The following CNTNAP2 variants were observed in gnomAD, a reference collection of about 807,000 sequenced individuals.
The protein encoded by CNTNAP2 is contactin-associated protein-like 2.
In CNTNAP2, 98 loss-of-function variants were observed where a neutral mutation model predicts 155.2. The ratio of observed to expected loss-of-function variants is 0.63; its 90% confidence interval spans 0.54 to 0.75. The LOEUF is 0.75. CNTNAP2 is among the 30% of genes least tolerant of loss of function. The probability of loss-of-function intolerance (pLI) is 0.00; values close to 1 mark genes in which losing one functional copy is unlikely to be tolerated. For missense variants in CNTNAP2, 1,727 were observed against 1,688.1 expected (o/e 1.02, Z -0.40); for synonymous variants, 651 against 631.2 (o/e 1.03, Z -0.47).
intron 3 of CNTNAP2, among the ~76,000 whole-genome samples, chr7:146,897,842 A>T: frequency 6.6e-6 from 1 of 152,136 alleles, no homozygotes; most frequent in African/African-American, 2.4e-5. Context: ...GTGTTTTTTT[A>T]AAAATAATTT....
At chr7:147,264,638 G>A (rs66602672) in intron 8 of CNTNAP2, among the ~76,000 whole-genome samples, 4 of 149,408 alleles carry the variant, frequency 2.7e-5, no homozygotes, top group East Asian at 2.1e-4. Flanking sequence ...GATGCCTGAC[G>A]GGGCCAGCCT....
At chr7:147,659,621 A>G (rs1795582316) in intron 13 of CNTNAP2, among the ~76,000 whole-genome samples, 1 of 152,208 alleles carries the variant, frequency 6.6e-6, no homozygotes. Context: ...AAGAGAGAAG[A>G]AATACAAATG....
At chr7:147,126,306 C>A (rs1801233754) in intron 6 of CNTNAP2, among the ~76,000 whole-genome samples, 1 of 151,968 alleles carries the variant, frequency 6.6e-6, no homozygotes, top group South Asian at 2.1e-4. Context: ...TCTTTAGAGG[C>A]AAGGTTATTG....
intron 21 of CNTNAP2, among the ~76,000 whole-genome samples, chr7:148,366,329 A>G (rs1170179581): frequency 1.7e-5 from 2 of 116,272 alleles, no homozygotes; most frequent in Non-Finnish European, 3.9e-5. Flanking sequence ...ATGTATACAT[A>G]TCTGTCAAGC....
intron 3 of CNTNAP2, among the ~76,000 whole-genome samples, chr7:146,897,288 A>G (rs1400347557): frequency 6.6e-6 from 1 of 152,176 alleles, no homozygotes; most frequent in Non-Finnish European, 1.5e-5. Flanking sequence ...ATGCCAACAC[A>G]TATCAGAAGG....
intron 1 of CNTNAP2, among the ~76,000 whole-genome samples, chr7:146,698,810 T>C (rs143372822): frequency 6.6e-6 from 1 of 152,292 alleles, no homozygotes; most frequent in Non-Finnish European, 1.5e-5. Context: ...TGCTCTTCCA[T>C]ATTTTTCATT....
intron 8 of CNTNAP2, among the ~76,000 whole-genome samples, chr7:147,299,865 T>G (rs1013823989): frequency 4.6e-5 from 7 of 152,132 alleles, no homozygotes; most frequent in African/African-American, 1.7e-4. Context: ...TCTAAATGAC[T>G]TTTTTTCAAT....
chr7:146,699,642 T>C (rs181719666), intron 1 of CNTNAP2, among the ~76,000 whole-genome samples: 1 of 152,208 alleles, frequency 6.6e-6, no homozygotes, highest in East Asian at 1.9e-4. Context: ...TGTAGTAAAC[T>C]AGTTTTCTTT....
chr7:147,075,031 A>G (rs1210301368), intron 4 of CNTNAP2, among the ~76,000 whole-genome samples: 1 of 152,218 alleles, frequency 6.6e-6, no homozygotes, highest in Admixed American at 6.5e-5. Context: ...GTTGTCAAAC[A>G]CCGTTAAGAG....
intron 15 of CNTNAP2, among the ~76,000 whole-genome samples, chr7:148,030,252 C>G (rs1802449983): frequency 6.6e-6 from 1 of 152,196 alleles, no homozygotes; most frequent in Non-Finnish European, 1.5e-5. Flanking sequence ...AGTTAGGTCT[C>G]TGTGAAATCA....
At chr7:148,074,680 T>G (rs532403279) in intron 15 of CNTNAP2, among the ~76,000 whole-genome samples, 13 of 147,708 alleles carry the variant, frequency 8.8e-5, no homozygotes, top group African/African-American at 3.4e-4. Context: ...AGAGCAAGAC[T>G]GTCTCAAAAA....
chr7:148,265,810 A>G (rs1796658345), intron 20 of CNTNAP2, among the ~76,000 whole-genome samples: 1 of 152,168 alleles, frequency 6.6e-6, no homozygotes, highest in South Asian at 2.1e-4. Context: ...CTAAGTTTCT[A>G]GGAAGCAGTT....
intron 23 of CNTNAP2, 86 bp downstream of exon 23, chr7:148,409,557 A>G (rs1799779553): frequency 8.4e-7 from 1 of 1,184,706 alleles, no homozygotes; most frequent in Admixed American, 1.7e-5. Flanking sequence ...CTAGGAAAAA[A>G]AGTTTTCTAG....
chr7:146,279,989 T>C (rs1334863825), intron 1 of CNTNAP2, among the ~76,000 whole-genome samples: 7 of 152,160 alleles, frequency 4.6e-5, no homozygotes, highest in Non-Finnish European at 1.0e-4. Context: ...ACTATAATTA[T>C]GTTATAAATG....
At chr7:146,306,914 C>G (rs190511049) in intron 1 of CNTNAP2, among the ~76,000 whole-genome samples, 2 of 152,076 alleles carry the variant, frequency 1.3e-5, no homozygotes, top group African/African-American at 2.4e-5. Context: ...CCTTTGAAAA[C>G]GGGCACAAGG....
In CNTNAP2 at chr7:146,706,517, A is replaced by T. The variant is rs542141773; in HGVS notation, c.98-67754A>T. 9.7e-4 allele frequency among the ~76,000 whole-genome samples: 147 copies of T among 152,296 alleles called. 1 individual carries two copies. Among genetic ancestry groups the T allele is most frequent in the Non-Finnish European group, 1.6e-3 (107 of 68,022 alleles). On this transcript the variant is annotated intron_variant, in intron 1 of 23. Coordinates refer to ENST00000361727, the MANE Select transcript of CNTNAP2 (RefSeq NM_014141.6). ...ATCTAAATGAATAGTATACCATGCT[A>T]ATAAATTATTCCAAGTGAACAGGCG...
At chr7:147,553,943 C>T (rs567777741) in intron 11 of CNTNAP2, among the ~76,000 whole-genome samples, 2 of 151,706 alleles carry the variant, frequency 1.3e-5, no homozygotes, top group Non-Finnish European at 2.9e-5. Context: ...GCCTAGGCGA[C>T]GAGCAAAACT....
chr7:146,940,848 A>G (rs201212684), intron 3 of CNTNAP2, among the ~76,000 whole-genome samples: 5 of 150,900 alleles, frequency 3.3e-5, no homozygotes, highest in Non-Finnish European at 7.4e-5. Context: ...AAGAGAGAGA[A>G]AGAGAGAGAG....
At chr7:148,061,312 A>G (rs1375119024) in intron 15 of CNTNAP2, among the ~76,000 whole-genome samples, 1 of 152,170 alleles carries the variant, frequency 6.6e-6, no homozygotes, top group Non-Finnish European at 1.5e-5. Flanking sequence ...AGACTTTCTT[A>G]AGTATGTAAG....
Sources: gnomAD v4.1 joint callset for allele counts (sites outside exome capture counted in the v4.1 genomes callset) on GRCh38, gnomAD v4.1.1 for gene constraint, MANE v1.5 for transcripts, NCBI Gene and HGNC (gene_info 2026-07-23, HGNC 2026-07-21) for gene names.